LIMCH1: variants seen among roughly 807,000 people sequenced by gnomAD.
LIMCH1 encodes the protein LIM and calponin homology domains-containing protein 1.
Under a neutral mutation model 176.5 loss-of-function variants are expected in LIMCH1, and 113 were observed. The ratio of observed to expected loss-of-function variants is 0.64; its 90% CI spans 0.55 to 0.75. LIMCH1 has a LOEUF of 0.75. Ranked by LOEUF, LIMCH1 falls within the 30% of genes least tolerant of loss-of-function variation. The pLI is 0.00. For synonymous variants in LIMCH1, 619 were observed against 645.9 expected, an observed-to-expected ratio of 0.96 and a Z score of 0.63; for missense variants, 1,674 against 1,814.9, an observed-to-expected ratio of 0.92 and a Z score of 1.41.
intron 1 of LIMCH1, among the ~76,000 whole-genome samples, chr4:41,479,707 A>G (rs1284696604): frequency 5.3e-5 from 8 of 152,226 alleles, no homozygotes; most frequent in Non-Finnish European, 1.2e-4. Context: ...ATTATGTCTC[A>G]TAAATCTCTT....
intron 1 of LIMCH1, among the ~76,000 whole-genome samples, chr4:41,467,092 T>C (rs964756783): frequency 1.7e-4 from 26 of 151,974 alleles, no homozygotes; most frequent in African/African-American, 6.3e-4. Context: ...TGTTATAGTG[T>C]GGATCAGAAT....
intron 7 of LIMCH1, among the ~76,000 whole-genome samples, chr4:41,622,250 G>A (rs1404054924): frequency 1.3e-5 from 2 of 151,992 alleles, no homozygotes; most frequent in African/African-American, 4.8e-5. Context: ...ACCAGAGACT[G>A]GACTAGATGC....
chr4:41,583,926 T>G (rs11935139), intron 1 of LIMCH1, among the ~76,000 whole-genome samples: 7,624 of 151,696 alleles, frequency 0.05, 213 homozygotes, highest in Admixed American at 0.071. Context: ...TTGTTTTGGG[T>G]TTTTTTTTAT....
chr4:41,590,972 T>C (rs556225184), intron 1 of LIMCH1, among the ~76,000 whole-genome samples: 1 of 152,336 alleles, frequency 6.6e-6, no homozygotes, highest in East Asian at 1.9e-4. Context: ...TGGTAATGTA[T>C]TCCTAAAGTT....
intron 2 of LIMCH1, among the ~76,000 whole-genome samples, chr4:41,494,794 T>C (rs1270007786): frequency 6.6e-6 from 1 of 152,150 alleles, no homozygotes; most frequent in African/African-American, 2.4e-5. Context: ...TAGGGAGTGG[T>C]GGGGACTGTG....
At chr4:41,520,708 C>A (rs1441157469) in intron 2 of LIMCH1, among the ~76,000 whole-genome samples, 1 of 152,144 alleles carries the variant, frequency 6.6e-6, no homozygotes, top group African/African-American at 2.4e-5. Flanking sequence ...TTGGCTCTTA[C>A]ATTTTTGACA....
intron 1 of LIMCH1, among the ~76,000 whole-genome samples, chr4:41,445,253 C>T (rs899290172): frequency 1.3e-5 from 2 of 152,174 alleles, no homozygotes; most frequent in Admixed American, 1.3e-4. Flanking sequence ...ATCCACCTGC[C>T]TCAGCCTCCC....
chr4:41,418,554 C>CGCTCCTGCAGTCTGCG (rs1561304477), intron 1 of LIMCH1, among the ~76,000 whole-genome samples: 1 of 152,214 alleles, frequency 6.6e-6, no homozygotes, highest in East Asian at 1.9e-4. Flanking sequence ...AGCAGGCTGC[C>CGCTCCTGCAGTCTGCG]GCTCCTGCAG....
At chr4:41,376,203 A>G (rs886325649) in intron 1 of LIMCH1, among the ~76,000 whole-genome samples, 1 of 152,146 alleles carries the variant, frequency 6.6e-6, no homozygotes, top group Admixed American at 6.5e-5. Context: ...ATAGTTTTCT[A>G]TGTTATCTAA....
chr4:41,633,864 T>C, intron 13 of LIMCH1, 56 bp downstream of exon 13: 2 of 1,509,508 alleles, frequency 1.3e-6, no homozygotes, highest in Non-Finnish European at 1.8e-6. Context: ...GAGCTTTCAG[T>C]GTGTTCTTAA....
intron 2 of LIMCH1, among the ~76,000 whole-genome samples, chr4:41,519,791 G>A (rs2152395981): frequency 6.6e-6 from 1 of 152,266 alleles, no homozygotes. Context: ...CACCCCACTG[G>A]ATTCTCACTC....
chr4:41,682,965 C>A (rs566199965), intron 26 of LIMCH1, among the ~76,000 whole-genome samples: 1 of 152,250 alleles, frequency 6.6e-6, no homozygotes, highest in Admixed American at 6.5e-5. Flanking sequence ...GTGTGAGCCA[C>A]CATGCCTGGC....
rs559485829 is a variant in LIMCH1, at chr4:41,628,908, T to C, written c.1029-584T>C. The stretch of plus-strand genomic sequence containing the variant: ...GTTTGCATTAGCCAAACCTGACTAA[T>C]GCCATGAAGCAGACGTTGAGTTTAA... On this transcript the variant is annotated intron_variant, in intron 8 of 31. Coordinates refer to ENST00000503057, the MANE Select transcript of LIMCH1 (RefSeq NM_001330672.2). Among the ~76,000 whole-genome samples, 127 of 152,350 alleles carry C rather than the reference T, an allele frequency of 8.3e-4. 2 individuals are homozygous for C. In the South Asian group the frequency reaches 0.026, roughly 31 times the overall value.
intron 31 of LIMCH1, among the ~76,000 whole-genome samples, chr4:41,694,932 C>G (rs1364678714): frequency 6.6e-6 from 1 of 152,032 alleles, no homozygotes. Flanking sequence ...AATTTCCACT[C>G]TGCTTGGTGG....
chr4:41,453,463 A>G (rs770334077), intron 1 of LIMCH1: 1 of 152,240 alleles, frequency 6.6e-6, no homozygotes, highest in Non-Finnish European at 1.5e-5. Flanking sequence ...AAGAAAAGAA[A>G]ATGTTCTTTA....
At chr4:41,523,649 TA>T (rs1013415482) in intron 2 of LIMCH1, among the ~76,000 whole-genome samples, 1 of 152,236 alleles carries the variant, frequency 6.6e-6, no homozygotes, top group Non-Finnish European at 1.5e-5. Flanking sequence ...ACCCCGATGC[TA>T]ACCATATTTT....
intron 1 of LIMCH1, among the ~76,000 whole-genome samples, chr4:41,549,059 ATTTTT>A (rs1009802822): frequency 6.8e-6 from 1 of 147,022 alleles, no homozygotes; most frequent in Non-Finnish European, 1.5e-5. Flanking sequence ...CCTACTGTTA[ATTTTT>A]TTTTTTAAAG....
intron 1 of LIMCH1, among the ~76,000 whole-genome samples, chr4:41,403,707 A>G (rs79455679): frequency 0.019 from 2,893 of 152,274 alleles, 94 homozygotes; most frequent in African/African-American, 0.065. Flanking sequence ...AATCCAATGC[A>G]TTTTGGTTGG....
intron 1 of LIMCH1, among the ~76,000 whole-genome samples, chr4:41,388,463 T>G (rs1402325639): frequency 6.6e-6 from 1 of 152,228 alleles, no homozygotes; most frequent in East Asian, 1.9e-4. Context: ...CAGAGTTGCC[T>G]GGGCTGCAGA....
Sources: allele counts gnomAD v4.1 joint callset (sites outside exome capture counted in the v4.1 genomes callset), GRCh38; gene constraint gnomAD v4.1.1; transcripts MANE v1.5; gene names NCBI Gene and HGNC (gene_info 2026-07-23, HGNC 2026-07-21).